Variants in SPANXN1 observed in about 807,000 individuals in gnomAD.
The protein encoded by SPANXN1 is SPANX family member N1.
SPANXN1 carries 1 observed loss-of-function variant against 2.0 expected under a neutral mutation model. The observed-to-expected ratio is 0.50, with a 90% CI of 0.18 to 2.36. The LOEUF is 2.36. SPANXN1 is among the 30% of genes most tolerant of loss of function. The pLI is 0.26. For synonymous variants in SPANXN1, 27 were observed against 21.3 expected (o/e 1.27, Z -0.74); for missense variants, 55 against 51.8 (o/e 1.06, Z -0.19).
chrX:145,248,830 T>C lies in SPANXN1; in HGVS notation c.75+1169T>C, dbSNP rs782377295. 3.5e-4 allele frequency among the ~76,000 whole-genome samples: 39 copies of C among 111,798 alleles called. 1 individual carries two copies. Among genetic ancestry groups the C allele is most frequent in the East Asian group, 8.5e-4 (3 of 3,518 alleles). On this transcript the variant is annotated intron_variant, in intron 1 of 1. Coordinates refer to ENST00000370493, the MANE Select transcript of SPANXN1 (RefSeq NM_001009614.3). ...GGGTTTTTGTAACTAATAGCCACTG[T>C]GGTCCTTACAGGGCAGAAGGATACA...
chrX:145,253,951 G>A (rs1556882786), intron 1 of SPANXN1, among the ~76,000 whole-genome samples: 2 of 110,884 alleles, frequency 1.8e-5, no homozygotes, highest in Admixed American at 9.6e-5. Flanking sequence ...TTCAGGCCTC[G>A]CAACCTCCTG....
rs782603446 is a variant in SPANXN1, at chrX:145,252,953, G to C, written c.76-2718G>C. Among the ~76,000 whole-genome samples the C allele has an allele frequency of 4.5e-5, 5 of 111,124 alleles. No individual in the cohort carries two copies. In the South Asian group the frequency reaches 1.9e-3, roughly 43 times the overall value. ...GGGTCTAGAATATTTGGGTAAAACC[G>C]AGTAACTAGTTGTCCTATTGAGCAT... On this transcript the variant is annotated intron_variant, in intron 1 of 1. Coordinates refer to ENST00000370493, the MANE Select transcript of SPANXN1 (RefSeq NM_001009614.3).
In SPANXN1 at chrX:145,256,121, C is replaced by A; in HGVS notation, c.*307C>A. The A allele has an allele frequency of 4.6e-6, 2 of 438,964 alleles. No individual in the cohort carries two copies. The highest frequency in any genetic ancestry group is 4.0e-6 in the Non-Finnish European group (1 of 248,888). The allele number at this position is 438,964 out of a possible 1,213,427, so 36.2% of individuals were successfully genotyped here. ...GGAGGATGAAGACCTAGAGAAAAAG[C>A]GATCATCTAGGTCAAGAAATGAAAT... On this transcript the variant is annotated 3_prime_UTR_variant, in exon 2 of 2. Coordinates refer to ENST00000370493, the MANE Select transcript of SPANXN1 (RefSeq NM_001009614.3).
intron 1 of SPANXN1, among the ~76,000 whole-genome samples, chrX:145,252,007 G>A (rs1328519063): frequency 9.0e-6 from 1 of 111,418 alleles, no homozygotes; most frequent in Non-Finnish European, 1.9e-5. Flanking sequence ...CTCGATTATG[G>A]AAGCAGTTTA....
intron 1 of SPANXN1, among the ~76,000 whole-genome samples, chrX:145,252,763 G>T (rs1431607669): frequency 9.1e-6 from 1 of 110,036 alleles, no homozygotes; most frequent in Non-Finnish European, 1.9e-5. Flanking sequence ...TGGAGGTCTG[G>T]GATTTACTTA....
At chrX:145,248,899 G>A (rs73639611) in intron 1 of SPANXN1, among the ~76,000 whole-genome samples, 2,227 of 111,512 alleles carry the variant, frequency 0.02, 49 homozygotes, top group African/African-American at 0.068. Context: ...TCCAGGGAGC[G>A]CCCTTGAGTT....
chrX:145,251,573 T>C (rs73639614), intron 1 of SPANXN1, among the ~76,000 whole-genome samples: 7,154 of 111,586 alleles, frequency 0.064, 564 homozygotes, highest in African/African-American at 0.22. Flanking sequence ...GACAGAGTAG[T>C]CCAAGGACAA....
chrX:145,254,831 C>T (rs782516927), intron 1 of SPANXN1, among the ~76,000 whole-genome samples: 2 of 111,368 alleles, frequency 1.8e-5, no homozygotes, highest in East Asian at 2.8e-4. Context: ...AGAAAAAGGT[C>T]GAGAGTTTGA....
intron 1 of SPANXN1, among the ~76,000 whole-genome samples, chrX:145,249,824 G>C (rs2070778271): frequency 9.0e-6 from 1 of 110,982 alleles, no homozygotes; most frequent in South Asian, 3.8e-4. Context: ...GGACTTTTAG[G>C]CTGGGTCAAG....
Position 145,255,905 on chromosome X carries a change from C to A in SPANXN1, c.*91C>A. 4 of 1,196,027 alleles carry A rather than the reference C, an allele frequency of 3.3e-6. No homozygotes were observed. Among genetic ancestry groups the A allele is most frequent in the Non-Finnish European group, 4.5e-6 (4 of 882,798 alleles). On this transcript the variant is annotated 3_prime_UTR_variant, in exon 2 of 2. Coordinates refer to ENST00000370493, the MANE Select transcript of SPANXN1 (RefSeq NM_001009614.3). Reference sequence around the variant, plus strand: ...AAAGCAGGATGAAGACCTAGACTTACCTGAAGGCCTAGACTCAGCTGAAGG... The same window carrying A: ...AAAGCAGGATGAAGACCTAGACTTAACTGAAGGCCTAGACTCAGCTGAAGG...
At chrX:145,252,929 G>A (rs1453252684) in intron 1 of SPANXN1, among the ~76,000 whole-genome samples, 1 of 110,665 alleles carries the variant, frequency 9.0e-6, no homozygotes, top group African/African-American at 3.3e-5. Context: ...ACGGAAAAAG[G>A]GTCTAGAATA....
rs1452737738 is a variant in SPANXN1, at chrX:145,249,750, G to A, written c.75+2089G>A. ...CTCCACTTAGGTTGGAGAGGGAGGAGGAGGAGTCTGTGATTCAGACCCAGT... is the reference window on the plus strand; with the variant it reads ...CTCCACTTAGGTTGGAGAGGGAGGAAGAGGAGTCTGTGATTCAGACCCAGT... On this transcript the variant is annotated intron_variant, in intron 1 of 1. Transcript: ENST00000370493. Among the ~76,000 whole-genome samples, 4 of 111,022 alleles carry A rather than the reference G, an allele frequency of 3.6e-5. No individual in the cohort carries two copies. In the East Asian group the frequency reaches 8.6e-4, roughly 24 times the overall value.
At chrX:145,250,215 C>T (rs1248520314) in intron 1 of SPANXN1, among the ~76,000 whole-genome samples, 3 of 111,515 alleles carry the variant, frequency 2.7e-5, no homozygotes, top group Non-Finnish European at 5.6e-5. Flanking sequence ...GAGTTTAAAC[C>T]GGTGGATAAT....
intron 1 of SPANXN1, 40 bp downstream of exon 1, chrX:145,247,701 G>T: frequency 1.7e-6 from 2 of 1,161,653 alleles, no homozygotes; most frequent in Non-Finnish European, 2.4e-6. Flanking sequence ...GAGGGTGAAA[G>T]AAAGACACAC....
intron 1 of SPANXN1, among the ~76,000 whole-genome samples, chrX:145,252,052 G>A (rs2070788089): frequency 9.0e-6 from 1 of 111,587 alleles, no homozygotes; most frequent in African/African-American, 3.3e-5. Flanking sequence ...ACAGGTTAAG[G>A]AAAGGGCTAC....
At chrX:145,255,545 G>A (rs140317407) in intron 1 of SPANXN1, 126 bp from the exon 2 acceptor site, 14 of 1,014,918 alleles carry the variant, frequency 1.4e-5, no homozygotes, top group South Asian at 2.2e-5. Flanking sequence ...ATTCAACCTT[G>A]TTCTTCTCTG....
chrX:145,251,545 G>A (rs2070785710), intron 1 of SPANXN1, among the ~76,000 whole-genome samples: 1 of 111,612 alleles, frequency 9.0e-6, no homozygotes, highest in Admixed American at 9.5e-5. Flanking sequence ...ATGGCTTCTG[G>A]GGCGTCGCCG....
rs1009878570 is a variant in SPANXN1 at position 145,256,122 on chromosome X, G to A, written c.*308G>A. 8 of 437,907 alleles carry A rather than the reference G, an allele frequency of 1.8e-5. No individual in the cohort carries two copies. The highest frequency in any genetic ancestry group is 3.7e-5 in the East Asian group (1 of 27,095). 36.1% of individuals were successfully genotyped at this position (437,907 alleles called of 1,213,427 possible). On this transcript the variant is annotated 3_prime_UTR_variant, in exon 2 of 2. Coordinates refer to ENST00000370493, the MANE Select transcript of SPANXN1 (RefSeq NM_001009614.3). ...GAGGATGAAGACCTAGAGAAAAAGC[G>A]ATCATCTAGGTCAAGAAATGAAATC...
Position 145,247,552 on chromosome X carries a change from A to T in SPANXN1, c.-35A>T, listed in dbSNP as rs1300670555. Reference sequence around the variant, plus strand: ...GCTGTGCAAGTCTGGAGTCTACAAGAGCCTACTATAGACATTCTACAACCA... The same window carrying T: ...GCTGTGCAAGTCTGGAGTCTACAAGTGCCTACTATAGACATTCTACAACCA... On this transcript the variant is annotated 5_prime_UTR_variant, in exon 1 of 2. Coordinates refer to ENST00000370493, the MANE Select transcript of SPANXN1 (RefSeq NM_001009614.3). 29 of 1,175,198 alleles carry T rather than the reference A, an allele frequency of 2.5e-5. No homozygotes were observed. The highest frequency in any genetic ancestry group is 3.2e-5 in the Non-Finnish European group (28 of 864,634).
Sources: allele counts gnomAD v4.1 joint callset (sites outside exome capture counted in the v4.1 genomes callset), GRCh38; gene constraint gnomAD v4.1.1; transcripts MANE v1.5; gene names NCBI Gene and HGNC (gene_info 2026-07-23, HGNC 2026-07-21).